The following ZNF225 variants were observed in gnomAD, a reference collection of about 807,000 sequenced individuals.
The protein encoded by ZNF225 is zinc finger protein 225.
ZNF225 carries 6 observed loss-of-function variants against 12.0 expected under a neutral mutation model. That is an observed-to-expected ratio of 0.50 (90% CI 0.27 to 0.98). ZNF225 has a LOEUF of 0.98. Among genes scored for constraint, ZNF225 ranks in the 50% least tolerant of loss-of-function variants. The pLI is 0.11. For missense variants in ZNF225, 763 were observed against 848.2 expected, an observed-to-expected ratio of 0.90 and a Z score of 1.25; for synonymous variants, 271 against 283.2, an observed-to-expected ratio of 0.96 and a Z score of 0.43.
At chr19:44,120,725 A>T (rs2072598818) in intron 4 of ZNF225, among the ~76,000 whole-genome samples, 1 of 152,018 alleles carries the variant, frequency 6.6e-6, no homozygotes, top group Non-Finnish European at 1.5e-5. Flanking sequence ...TTTATTTTTT[A>T]AAAATTTTCC....
chr19:44,120,837 T>C (rs958775976), intron 4 of ZNF225, among the ~76,000 whole-genome samples: 1 of 152,108 alleles, frequency 6.6e-6, no homozygotes, highest in African/African-American at 2.4e-5. Context: ...CTGCACCATA[T>C]TTGTAGTCTT....
Position 44,132,266 on chromosome 19 carries a change from G to GT in ZNF225, c.1653dup (p.Lys552Ter). 1.2e-6 allele frequency: 2 copies of GT among 1,613,674 alleles called. No individual in the cohort carries two copies. The highest frequency in any genetic ancestry group is 2.2e-5 in the South Asian group (2 of 91,060). On this transcript the variant is annotated frameshift_variant, in exon 5 of 5. Coordinates refer to ENST00000262894, the MANE Select transcript of ZNF225 (RefSeq NM_013362.4). LOFTEE classifies it low-confidence loss of function (END_TRUNC). ...GAAGAGTGTGGGAAGGGCTTCAACA[G>GT]TAAGTTTAATCTTGACATGCACCAG...
chr19:44,124,543 C>T (rs909418071), intron 4 of ZNF225, among the ~76,000 whole-genome samples: 2 of 152,062 alleles, frequency 1.3e-5, no homozygotes, highest in Non-Finnish European at 2.9e-5. Context: ...TGTTGCAAGA[C>T]ATAGTTTAAA....
rs376939625 is a variant in ZNF225, at chr19:44,118,241, G to A, written c.69G>A (p.Arg23=). 5.5e-5 allele frequency: 89 copies of A among 1,613,374 alleles called. No homozygotes were observed. Among genetic ancestry groups the A allele is most frequent in the African/African-American group, 8.0e-5 (6 of 74,862 alleles). Residue 23 remains arginine, a synonymous_variant, in exon 3 of 5, where the codon AGG becomes AGA. Transcript: ENST00000262894. The part of the protein sequence containing the change: ...VAVVFTEEEL[R]LLDLAQRKLY... ...TGGTCTTCACTGAGGAAGAGCTGAG[G>A]CTGCTGGACCTTGCCCAGAGGAAAC...
Position 44,118,060 on chromosome 19 carries a change from T to C in ZNF225, c.16-128T>C, listed in dbSNP as rs373317978. On this transcript the variant is annotated intron_variant, in intron 2 of 4. Coordinates refer to ENST00000262894, the MANE Select transcript of ZNF225 (RefSeq NM_013362.4). ...AAATAAAATAATAAAAAAGGAAGTCTGTGTGTTGACCTATGTCTCTCAAGA... is the reference window on the plus strand; with the variant it reads ...AAATAAAATAATAAAAAAGGAAGTCCGTGTGTTGACCTATGTCTCTCAAGA... The C allele has an allele frequency of 2.7e-4, 241 of 888,292 alleles. 2 individuals are homozygous for C. The African/African-American group carries it at 3.5e-3, about 13-fold the overall frequency. The allele number at this position is 888,292 out of a possible 1,614,324, so 55.0% of individuals were successfully genotyped here.
At chr19:44,112,850 A>T (rs1967857561), upstream of ZNF225, 6 of 152,242 alleles carry the variant, frequency 3.9e-5, no homozygotes, top group South Asian at 1.2e-3. Flanking sequence ...TAACTCCTCG[A>T]AGACTGTGTC....
At chr19:44,114,113 G>T (rs1967887827) in intron 1 of ZNF225, 4 of 597,318 alleles carry the variant, frequency 6.7e-6, no homozygotes, top group South Asian at 5.2e-5. Context: ...GGGGCACGGC[G>T]ACCACGGTCA....
At position 44,132,530 on chromosome 19, in the gene ZNF225, A is replaced by G. The variant is rs1474913596; in HGVS notation, c.1916A>G (p.His639Arg). Residue 639 changes from histidine to arginine, a missense_variant, in exon 5 of 5, where the codon CAT (histidine) becomes CGT (arginine). Coordinates refer to ENST00000262894, the MANE Select transcript of ZNF225 (RefSeq NM_013362.4). The stretch of plus-strand genomic sequence containing the variant: ...AAGAGCTTCAGATGGGCCTCAACTC[A>G]TCTAACCCATCAGAGACTCCACAGT... ...CGKSFRWAST[H>R]LTHQRLHSRE... 1 of 1,613,896 alleles carries G rather than the reference A, an allele frequency of 6.2e-7. No homozygotes were observed. Among genetic ancestry groups the G allele is most frequent in the East Asian group, 2.2e-5 (1 of 44,864 alleles).
At chr19:44,114,072 C>T (rs986225624) in intron 1 of ZNF225, 4 of 431,754 alleles carry the variant, frequency 9.3e-6, no homozygotes, top group Non-Finnish European at 1.7e-5. Context: ...GCATCCACTT[C>T]CAGGAGGGGA....
rs1004448933 is a variant in ZNF225, at chr19:44,131,639, A to G, written c.1025A>G (p.Lys342Arg). 1 of 1,614,100 alleles carries G rather than the reference A, an allele frequency of 6.2e-7. No individual in the cohort carries two copies. The highest frequency in any genetic ancestry group is 1.3e-5 in the African/African-American group (1 of 75,040). ...NSHRMVHTGE[K>R]RYKCEECGKR... The stretch of plus-strand genomic sequence containing the variant: ...CATCGCATGGTCCACACAGGAGAGA[A>G]ACGGTACAAATGTGAGGAATGTGGA... The change falls in exon 5 of 5, where the codon AAA becomes AGA. Residue 342 changes from lysine (K) to arginine (R), a missense_variant. Lys to Arg is a conservative substitution (Grantham distance 26). Transcript: ENST00000262894.
chr19:44,119,429 C>T (rs1177127002), intron 4 of ZNF225, among the ~76,000 whole-genome samples: 1 of 152,232 alleles, frequency 6.6e-6, no homozygotes, highest in African/African-American at 2.4e-5. Context: ...TTGTTTCTTT[C>T]TGGATGCTCT....
At chr19:44,130,581 C>T in intron 4 of ZNF225, 1 of 289,656 alleles carries the variant, frequency 3.5e-6, no homozygotes, top group Non-Finnish European at 6.4e-6. Flanking sequence ...GCCTATAGTC[C>T]CAGCTACTGA....
intron 4 of ZNF225, among the ~76,000 whole-genome samples, chr19:44,125,606 C>G (rs1968132700): frequency 6.6e-6 from 1 of 152,218 alleles, no homozygotes; most frequent in African/African-American, 2.4e-5. Context: ...GCAAGTTTTC[C>G]TCGATTATTT....
In ZNF225 at chr19:44,131,958, G is replaced by T. The variant is rs770965334; in HGVS notation, c.1344G>T (p.Arg448Ser). 8 of 1,613,740 alleles carry T rather than the reference G, an allele frequency of 5.0e-6. No individual in the cohort carries two copies. In the South Asian group the frequency reaches 8.8e-5, roughly 18 times the overall value. The change falls in exon 5 of 5, where the codon AGG becomes AGT. Residue 448 changes from arginine to serine, a missense_variant. Transcript: ENST00000262894. ...GGTTGGATCTTGACTTTCATCAGAGGGTCCACAGAGGAGAGAAACCCTATA... is the reference window on the plus strand; with the variant it reads ...GGTTGGATCTTGACTTTCATCAGAGTGTCCACAGAGGAGAGAAACCCTATA... ...KRRLDLDFHQ[R>S]VHRGEKPYNC...
At chr19:44,124,738 G>T (rs1434513167) in intron 4 of ZNF225, among the ~76,000 whole-genome samples, 1 of 152,136 alleles carries the variant, frequency 6.6e-6, no homozygotes, top group African/African-American at 2.4e-5. Context: ...ATATTTTCCT[G>T]TTGGACAAGG....
chr19:44,112,298 G>C (rs974947419), upstream of ZNF225: 3 of 152,154 alleles, frequency 2.0e-5, no homozygotes, highest in Non-Finnish European at 4.4e-5. Flanking sequence ...ACAACTGCTG[G>C]TATCTATGTC....
chr19:44,121,820 A>T (rs1968063302), intron 4 of ZNF225, among the ~76,000 whole-genome samples: 1 of 152,050 alleles, frequency 6.6e-6, no homozygotes, highest in African/African-American at 2.4e-5. Flanking sequence ...TCATGTTCTT[A>T]GCCCACTTTT....
upstream of ZNF225, among the ~76,000 whole-genome samples, chr19:44,111,501 A>C (rs1967830347): frequency 6.6e-6 from 1 of 152,276 alleles, no homozygotes. Flanking sequence ...CGTATACACG[A>C]ACATTTGTAG....
intron 4 of ZNF225, among the ~76,000 whole-genome samples, chr19:44,124,316 A>G (rs1192590386): frequency 6.6e-6 from 1 of 152,084 alleles, no homozygotes; most frequent in Non-Finnish European, 1.5e-5. Flanking sequence ...ATGTATTTGC[A>G]TGGTTTTGAA....
Sources: gnomAD v4.1 joint callset for allele counts (sites outside exome capture counted in the v4.1 genomes callset) on GRCh38, gnomAD v4.1.1 for gene constraint, MANE v1.5 for transcripts, NCBI Gene and HGNC (gene_info 2026-07-23, HGNC 2026-07-21) for gene names.